MKX: variants seen among roughly 807,000 people sequenced by gnomAD.
MKX encodes mohawk homeobox.
Under a neutral mutation model 36.0 loss-of-function variants are expected in MKX, and 13 were observed. The observed-to-expected ratio is 0.36, with a 90% CI of 0.24 to 0.57. MKX has a LOEUF of 0.57. MKX is among the 20% of genes least tolerant of loss of function. MKX has a pLI of 0.79. For synonymous variants in MKX, 176 were observed against 178.3 expected (o/e 0.99, Z 0.10); for missense variants, 458 against 456.4 (o/e 1.00, Z -0.03).
chr10:27,721,717 C>A (rs1834383972), intron 5 of MKX, among the ~76,000 whole-genome samples: 1 of 152,070 alleles, frequency 6.6e-6, no homozygotes, highest in South Asian at 2.1e-4. Context: ...TGCAGCAAAC[C>A]ACCACGGCAC....
chr10:27,686,720 G>A (rs540024406), intron 5 of MKX, among the ~76,000 whole-genome samples: 7 of 152,174 alleles, frequency 4.6e-5, no homozygotes, highest in Middle Eastern at 3.4e-3. Context: ...CAGGTGATCC[G>A]CCCGCCTTGG....
Position 27,741,371 on chromosome 10 carries a change from G to A in MKX, c.322C>T (p.Leu108Phe), listed in dbSNP as rs201355004. The A allele has an allele frequency of 1.9e-6, 3 of 1,613,214 alleles. No homozygotes were observed. The highest frequency in any genetic ancestry group is 2.5e-6 in the Non-Finnish European group (3 of 1,179,608). Residue 108 changes from leucine (L) to phenylalanine (F), a missense_variant, in exon 3 of 7, where the codon CTC becomes TTC. By Grantham distance (22) the Leu-to-Phe change is conservative. This residue lies in a region of MKX where 12 missense variants were observed against 37.6 expected (regional missense o/e 0.32). Coordinates refer to ENST00000419761, the MANE Select transcript of MKX (RefSeq NM_173576.3). This position sits in a 1 kb window ranked among gnomAD's most constrained non-coding sequence, Gnocchi z 5.1. ...TGCACTAGCGTCATCTGCGAGCCGAGGGCCAAGAGTATCTTCTCGGTCTTG... is the reference window on the plus strand; with the variant it reads ...TGCACTAGCGTCATCTGCGAGCCGAAGGCCAAGAGTATCTTCTCGGTCTTG... The part of the protein sequence containing the change: ...PTKTEKILLA[L>F]GSQMTLVQVS...
In MKX at chr10:27,741,504, G is replaced by A; in HGVS notation, c.189C>T (p.Gly63=). 1 of 1,590,874 alleles carries A rather than the reference G, an allele frequency of 6.3e-7. No homozygotes were observed. The highest frequency in any genetic ancestry group is 1.8e-5 in the Admixed American group (1 of 55,846). ...TCACCTTCCCGCCATTCTGCCGGGC[G>A]CTGGGACATGGGGAGAGGAGGCGGC... is the stretch of plus-strand genomic sequence containing the variant. ...DNLGLRHRRT[G]ARQNGGKVRH... The change falls in exon 3 of 7, where the codon GGC becomes GGT. Residue 63 remains glycine, a splice_region_variant and synonymous_variant. Transcript: ENST00000419761. This position sits in a 1 kb window ranked among gnomAD's most constrained non-coding sequence, Gnocchi z 5.1.
intron 5 of MKX, among the ~76,000 whole-genome samples, chr10:27,711,477 T>TCTCTC (rs1836860107): frequency 8.0e-4 from 8 of 10,050 alleles, no homozygotes; most frequent in African/African-American, 2.5e-3. Flanking sequence ...CTTTCTTTCT[T>TCTCTC]TCTTTCTCTC....
rs1178157677 is a variant in MKX, at chr10:27,744,338, C to T, written c.-82-841G>A. On this transcript the variant is annotated intron_variant, in intron 1 of 6. Coordinates refer to ENST00000419761, the MANE Select transcript of MKX (RefSeq NM_173576.3). The surrounding 1 kb of genome is among the most constrained non-coding windows in gnomAD (Gnocchi z 5.6). ...TCGTAGCCCCTCGACACCCGCCTCT[C>T]TCTGGGGTCTCCGGGGACCCTTTCA... Among the ~76,000 whole-genome samples, 1 of 152,168 alleles carries T rather than the reference C, an allele frequency of 6.6e-6. No homozygotes were observed. Among genetic ancestry groups the T allele is most frequent in the Non-Finnish European group, 1.5e-5 (1 of 68,022 alleles).
intron 5 of MKX, among the ~76,000 whole-genome samples, chr10:27,695,435 GAA>G (rs143932170): frequency 0.037 from 5,226 of 142,302 alleles, 292 homozygotes; most frequent in African/African-American, 0.13. Flanking sequence ...AGGCTTAACA[GAA>G]AAAAAAAAAA....
intron 5 of MKX, among the ~76,000 whole-genome samples, chr10:27,693,150 G>C (rs2132512731): frequency 6.6e-6 from 1 of 152,286 alleles, no homozygotes; most frequent in East Asian, 1.9e-4. Context: ...TATGTCTAGG[G>C]ACAGAGCTTG....
intron 5 of MKX, among the ~76,000 whole-genome samples, chr10:27,708,056 C>T (rs1028631189): frequency 6.6e-6 from 1 of 152,112 alleles, no homozygotes; most frequent in East Asian, 1.9e-4. Context: ...AAATAACGTT[C>T]TTCTACATTT....
rs561072233 is a variant in MKX at position 27,708,824 on chromosome 10, A to G, written c.838+25632T>C. On this transcript the variant is annotated intron_variant, in intron 5 of 6. Coordinates refer to ENST00000419761, the MANE Select transcript of MKX (RefSeq NM_173576.3). Reference sequence around the variant, plus strand: ...TGGAACTCCATGTCTGCATCTGCAGATCCAACCAACAGTGAATCGAAAAAT... The same window carrying G: ...TGGAACTCCATGTCTGCATCTGCAGGTCCAACCAACAGTGAATCGAAAAAT... Among the ~76,000 whole-genome samples, 31 of 152,278 alleles carry G rather than the reference A, an allele frequency of 2.0e-4. 1 individual carries two copies. In the East Asian group the frequency reaches 5.8e-3, roughly 28 times the overall value.
intron 5 of MKX, among the ~76,000 whole-genome samples, chr10:27,678,337 T>C (rs547613723): frequency 2.0e-5 from 3 of 152,360 alleles, no homozygotes; most frequent in East Asian, 1.9e-4. Context: ...GCCCACAAAT[T>C]GCAACAATTC....
intron 5 of MKX, among the ~76,000 whole-genome samples, chr10:27,722,377 A>G (rs1834398632): frequency 6.6e-6 from 1 of 152,236 alleles, no homozygotes; most frequent in Non-Finnish European, 1.5e-5. Context: ...GCATTTAGCT[A>G]TGACTTTCTA....
In MKX at chr10:27,716,174, A is replaced by C. The variant is rs183226564; in HGVS notation, c.838+18282T>G. 1.3e-4 allele frequency among the ~76,000 whole-genome samples: 20 copies of C among 152,302 alleles called. No individual in the cohort carries two copies. The East Asian group carries it at 3.5e-3, about 26-fold the overall frequency. Reference sequence around the variant, plus strand: ...TTGTAAGGACTAACTAAAATAATACATGCAAGTGTAGCACATAGCACAATG... The same window carrying C: ...TTGTAAGGACTAACTAAAATAATACCTGCAAGTGTAGCACATAGCACAATG... On this transcript the variant is annotated intron_variant, in intron 5 of 6. Transcript: ENST00000419761.
rs1201177388 is a variant in MKX, at chr10:27,741,798, C to T, written c.189-294G>A. Among the ~76,000 whole-genome samples the T allele has an allele frequency of 3.3e-5, 5 of 152,340 alleles. No homozygotes were observed. The highest frequency in any genetic ancestry group is 1.9e-4 in the East Asian group (1 of 5,176). ...AAGTGATTTGAAGAATACTGCTATT[C>T]CAGTCGCGTATCTGGGCAGCGGGGC... On this transcript the variant is annotated intron_variant, in intron 2 of 6. Transcript: ENST00000419761. The surrounding 1 kb of genome is among the most constrained non-coding windows in gnomAD (Gnocchi z 5.1).
At chr10:27,726,978 C>T (rs751772680) in intron 5 of MKX, among the ~76,000 whole-genome samples, 3 of 152,034 alleles carry the variant, frequency 2.0e-5, no homozygotes, top group Non-Finnish European at 4.4e-5. Context: ...TAATACAGCA[C>T]CATTTCAGGG....
chr10:27,725,249 C>T (rs1834463581), intron 5 of MKX, among the ~76,000 whole-genome samples: 1 of 151,966 alleles, frequency 6.6e-6, no homozygotes, highest in African/African-American at 2.4e-5. Context: ...TACAAAAATC[C>T]CTGTCTATTT....
chr10:27,707,742 A>C (rs912708547), intron 5 of MKX, among the ~76,000 whole-genome samples: 1 of 152,244 alleles, frequency 6.6e-6, no homozygotes, highest in Admixed American at 6.5e-5. Flanking sequence ...TTGAATTTCA[A>C]AGAAAAATGA....
intron 5 of MKX, among the ~76,000 whole-genome samples, chr10:27,711,499 T>TTTC (rs1836867310): frequency 2.1e-5 from 2 of 93,076 alleles, no homozygotes; most frequent in African/African-American, 1.0e-4. Context: ...CTCTCTCTTC[T>TTTC]TTCCTTCCTT....
chr10:27,728,629 T>C (rs1051353264), intron 5 of MKX, among the ~76,000 whole-genome samples: 28 of 152,178 alleles, frequency 1.8e-4, no homozygotes, highest in Non-Finnish European at 1.5e-4. Flanking sequence ...GTTACATTGG[T>C]TGTTTAGAAC....
rs2132477684 is a variant in MKX, at chr10:27,672,953, A to G, written c.*2276T>C. 1 of 152,368 alleles carries G rather than the reference A, an allele frequency of 6.6e-6. No individual in the cohort carries two copies. Among genetic ancestry groups the G allele is most frequent in the Non-Finnish European group, 1.5e-5 (1 of 68,028 alleles). 9.4% of individuals were successfully genotyped at this position (152,368 alleles called of 1,614,324 possible). A position where few individuals can be genotyped will look rare whatever the true frequency, so the allele number is the denominator to read the frequency against. On this transcript the variant is annotated 3_prime_UTR_variant, in exon 7 of 7. Coordinates refer to ENST00000419761, the MANE Select transcript of MKX (RefSeq NM_173576.3). ...ATTAATTTTATTAAAATGATTACAT[A>G]TGGCAAAACAAAGAATAGAGGTAAT...
Sources: allele counts gnomAD v4.1 joint callset (sites outside exome capture counted in the v4.1 genomes callset), GRCh38; gene constraint gnomAD v4.1.1; regional missense constraint gnomAD v4.1.1; non-coding constraint Gnocchi (gnomAD v3.1); transcripts MANE v1.5; gene names NCBI Gene and HGNC (gene_info 2026-07-23, HGNC 2026-07-21).